The following EFCAB12 variants were observed in gnomAD, a reference collection of about 807,000 sequenced individuals.
EFCAB12 encodes the protein EF-hand calcium binding domain 12.
Under a neutral mutation model 53.6 loss-of-function variants are expected in EFCAB12, and 43 were observed. The observed-to-expected ratio is 0.80, with a 90% CI of 0.63 to 1.03. The LOEUF (loss-of-function observed/expected upper bound fraction) is 1.03. EFCAB12 is among the 50% of genes least tolerant of loss of function. The pLI is 0.00. For missense variants in EFCAB12, 646 were observed against 730.6 expected, an observed-to-expected ratio of 0.88 and a Z score of 1.34; for synonymous variants, 269 against 289.2, an observed-to-expected ratio of 0.93 and a Z score of 0.71.
rs757734203 is a variant in EFCAB12 at position 129,421,730 on chromosome 3, G to A, written c.123C>T (p.Cys41=). Residue 41 remains cysteine, a synonymous_variant, in exon 2 of 9, where the codon TGC becomes TGT. Transcript: ENST00000505956. ...AGTCCTTCTGCTGGAACTGCTTGAAGCAGTGGGCAATGACCGGTTCAGGAT... is the reference window on the plus strand; with the variant it reads ...AGTCCTTCTGCTGGAACTGCTTGAAACAGTGGGCAATGACCGGTTCAGGAT... ...VFDPEPVIAH[C]FKQFQQKDFR... is the part of the protein sequence containing the mutation. 1 of 1,613,796 alleles carries A rather than the reference G, an allele frequency of 6.2e-7. No homozygotes were observed. The highest frequency in any genetic ancestry group is 2.2e-5 in the East Asian group (1 of 44,896).
Position 129,406,912 on chromosome 3 carries a change from G to A in EFCAB12, c.1249+1733C>T, listed in dbSNP as rs2071960762. Among the ~76,000 whole-genome samples, 3 of 151,326 alleles carry A rather than the reference G, an allele frequency of 2.0e-5. No individual in the cohort carries two copies. In the South Asian group the frequency reaches 6.3e-4, roughly 32 times the overall value. On this transcript the variant is annotated intron_variant, in intron 6 of 8. Transcript: ENST00000505956. Reference sequence around the variant, plus strand: ...GTCTCGCTCTGTCACTCAGGCTGGAGTACAGTGGTATGATCATAGCTCACC... The same window carrying A: ...GTCTCGCTCTGTCACTCAGGCTGGAATACAGTGGTATGATCATAGCTCACC...
intron 2 of EFCAB12, 142 bp from the exon 3 acceptor site, chr3:129,418,590 G>A: frequency 1.5e-6 from 1 of 645,440 alleles, no homozygotes; most frequent in East Asian, 3.2e-5. Flanking sequence ...TGGGTTCAGG[G>A]CAACTGTGTT....
At chr3:129,428,277 T>C (rs539688225) in intron 1 of EFCAB12, among the ~76,000 whole-genome samples, 163 bp downstream of exon 1, 1 of 152,316 alleles carries the variant, frequency 6.6e-6, no homozygotes, top group African/African-American at 2.4e-5. Context: ...TAGGCTCAGA[T>C]AGAAATCTCA....
rs556716330 is a variant in EFCAB12 at position 129,407,863 on chromosome 3, G to A, written c.1249+782C>T. Among the ~76,000 whole-genome samples the A allele has an allele frequency of 2.3e-4, 35 of 152,316 alleles. No individual in the cohort carries two copies. The South Asian group carries it at 2.9e-3, about 13-fold the overall frequency. On this transcript the variant is annotated intron_variant, in intron 6 of 8. Transcript: ENST00000505956. ...TGGGAGGCGGAGCTTGCAGTGAGCC[G>A]CAATCGCACTACTACACTCTAGCCT...
Position 129,401,371 on chromosome 3 carries a change from G to T in EFCAB12, c.*222C>A. The T allele has an allele frequency of 1.9e-6, 1 of 530,570 alleles. No individual in the cohort carries two copies. Among genetic ancestry groups the T allele is most frequent in the Non-Finnish European group, 3.1e-6 (1 of 317,470 alleles). The allele number at this position is 530,570 out of a possible 1,614,324, so 32.9% of individuals were successfully genotyped here. A position where few individuals can be genotyped will look rare whatever the true frequency, so the allele number is the denominator to read the frequency against. On this transcript the variant is annotated 3_prime_UTR_variant, in exon 9 of 9. Coordinates refer to ENST00000505956, the MANE Select transcript of EFCAB12 (RefSeq NM_207307.3). ...TTTATGTAGAAAGGGCAGAGGTCAG[G>T]GGAGGGAAATAGTCAAAAACTGCAC... is the stretch of plus-strand genomic sequence containing the variant.
intron 6 of EFCAB12, among the ~76,000 whole-genome samples, chr3:129,405,231 A>T (rs9849855): frequency 6.6e-6 from 1 of 152,112 alleles, no homozygotes; most frequent in African/African-American, 2.4e-5. Flanking sequence ...CAGGGTCTCC[A>T]CCTTCTGCAA....
chr3:129,427,397 T>C (rs1217346843), intron 1 of EFCAB12, among the ~76,000 whole-genome samples: 1 of 152,090 alleles, frequency 6.6e-6, no homozygotes, highest in East Asian at 1.9e-4. Context: ...GTGGAAGACA[T>C]CTCCATCTAC....
intron 7 of EFCAB12, chr3:129,403,265 C>G (rs2071899753): frequency 6.6e-6 from 1 of 152,570 alleles, no homozygotes; most frequent in South Asian, 2.1e-4. Context: ...TGGGCCTACT[C>G]CTGCACTTGA....
rs745750485 is a variant in EFCAB12, at chr3:129,418,266, C to T, written c.669G>A (p.Ala223=). ...AGGTGGCACTTACTGCCTTTACAGC[C>T]GCGATGAACTCCTCCCTGGTGATTC... ...NQRITREEFI[A]AVKAVGVPLK... Residue 223 remains alanine, a synonymous_variant, in exon 3 of 9, where the codon GCG becomes GCA. Transcript: ENST00000505956. 37 of 1,609,738 alleles carry T rather than the reference C, an allele frequency of 2.3e-5. 2 individuals are homozygous for T. Among genetic ancestry groups the T allele is most frequent in the South Asian group, 1.8e-4 (16 of 90,458 alleles).
At chr3:129,417,341 C>CAAAAACAAAAAAAAAAAAAAAAA (rs2072129970) in intron 3 of EFCAB12, among the ~76,000 whole-genome samples, 1 of 63,662 alleles carries the variant, frequency 1.6e-5, no homozygotes, top group Non-Finnish European at 3.7e-5. Context: ...AAAAAAAAAC[C>CAAAAACAAAAAAAAAAAAAAAAA]AAAAAAAAAA....
rs993718097 is a variant in EFCAB12, at chr3:129,408,523, AT to A, written c.1249+121del. On this transcript the variant is annotated intron_variant, in intron 6 of 8. Transcript: ENST00000505956. ...ACGCCCCCACTCCGCCTTATTCCCA[AT>A]GTCCCCACCAGAGATTACAGTGGCT... 6.4e-5 allele frequency: 69 copies of A among 1,073,174 alleles called. No individual in the cohort carries two copies. The African/African-American group carries it at 1.0e-3, about 16-fold the overall frequency. 66.5% of individuals were successfully genotyped at this position (1,073,174 alleles called of 1,614,324 possible).
chr3:129,404,011 G>T (rs916253620), intron 7 of EFCAB12: 181 of 469,026 alleles, frequency 3.9e-4, no homozygotes, highest in Non-Finnish European at 2.7e-4. Flanking sequence ...GCAGGACTGG[G>T]GTCAGGAGGG....
Position 129,418,381 on chromosome 3 carries a change from G to T in EFCAB12, c.554C>A (p.Pro185His), listed in dbSNP as rs775899932. The change falls in exon 3 of 9, where the codon CCT becomes CAT. Residue 185 changes from proline to histidine, a missense_variant. By Grantham distance (77) the Pro-to-His change is moderately conservative. Coordinates refer to ENST00000505956, the MANE Select transcript of EFCAB12 (RefSeq NM_207307.3). ...GTAGGAGTACATGACCGACAGGGCA[G>T]GGGGCTCGGGCAGCTGGAGCTGGGG... ...MVPQLQLPEP[P>H]ALSVMYSYLH... 9 of 1,613,408 alleles carry T rather than the reference G, an allele frequency of 5.6e-6. No individual in the cohort carries two copies. The South Asian group carries it at 9.9e-5, about 18-fold the overall frequency.
At chr3:129,415,793 A>C (rs562282092) in intron 3 of EFCAB12, among the ~76,000 whole-genome samples, 1 of 152,276 alleles carries the variant, frequency 6.6e-6, no homozygotes, top group South Asian at 2.1e-4. Flanking sequence ...GATCATCCCT[A>C]TACACAAGTA....
Position 129,426,368 on chromosome 3 carries a change from T to TTG in EFCAB12, c.49+2071_49+2072insCA, listed in dbSNP as rs1553720178. On this transcript the variant is annotated intron_variant, in intron 1 of 8. Transcript: ENST00000505956. ...TACAGGGTTTTTTTTTGTTTTTTTT[T>TTG]TTTTTTTTTTTTTTGAGACGGACTC... 4.1e-3 allele frequency among the ~76,000 whole-genome samples: 544 copies of TTG among 133,564 alleles called. 5 individuals carry two copies. The highest frequency in any genetic ancestry group is 0.016 in the African/African-American group (518 of 32,396). The allele number at this position is 133,564 out of a possible 152,430, so 87.6% of individuals were successfully genotyped here. A position where few individuals can be genotyped will look rare whatever the true frequency, so the allele number is the denominator to read the frequency against.
At chr3:129,411,388 G>A in intron 4 of EFCAB12, 34 bp from the exon 5 acceptor site, 1 of 1,526,466 alleles carries the variant, frequency 6.6e-7, no homozygotes, top group South Asian at 1.3e-5. Context: ...AGGAAGGAGG[G>A]ACTAAGAGGG....
intron 5 of EFCAB12, among the ~76,000 whole-genome samples, chr3:129,409,228 T>C (rs1369005477): frequency 6.6e-6 from 1 of 152,196 alleles, no homozygotes; most frequent in Non-Finnish European, 1.5e-5. Flanking sequence ...GGCAGGAGGA[T>C]AACTTGAGCC....
At chr3:129,405,006 T>G (rs9831879) in intron 6 of EFCAB12, among the ~76,000 whole-genome samples, 9,525 of 152,044 alleles carry the variant, frequency 0.063, 937 homozygotes, top group East Asian at 0.44. Flanking sequence ...TAGAGATGGG[T>G]TCTTGTTATG....
At position 129,421,515 on chromosome 3, in the gene EFCAB12, C is replaced by T. The variant is rs747468883; in HGVS notation, c.338G>A (p.Arg113Gln). ...ATCACCAAAGGACTCTAGCTCCTGC[C>T]GCAGCTTCGACCTCTGGCTCAGCCA... ...KTWLSQRSKL[R>Q]QELESFGDVK... The change falls in exon 2 of 9, where the codon CGG becomes CAG. Residue 113 changes from arginine to glutamine, a missense_variant. Coordinates refer to ENST00000505956, the MANE Select transcript of EFCAB12 (RefSeq NM_207307.3). 1.1e-5 allele frequency: 17 copies of T among 1,613,892 alleles called. No individual in the cohort carries two copies. Among genetic ancestry groups the T allele is most frequent in the Middle Eastern group, 1.6e-4 (1 of 6,084 alleles).
Sources: allele counts gnomAD v4.1 joint callset (sites outside exome capture counted in the v4.1 genomes callset), GRCh38; gene constraint gnomAD v4.1.1; transcripts MANE v1.5; gene names NCBI Gene and HGNC (gene_info 2026-07-23, HGNC 2026-07-21).